The following ATP2C1 variants were observed in gnomAD, a reference collection of about 807,000 sequenced individuals.
ATP2C1 encodes calcium-transporting ATPase type 2C member 1.
Under a neutral mutation model 120.5 loss-of-function variants are expected in ATP2C1, and 31 were observed. That is an observed-to-expected ratio of 0.26 (90% confidence interval 0.19 to 0.35). The LOEUF (loss-of-function observed/expected upper bound fraction) is 0.35. Ranked by LOEUF, ATP2C1 falls within the 10% of genes least tolerant of loss-of-function variation. ATP2C1 has a pLI of 1.00. For missense variants in ATP2C1, 731 were observed against 1,107.5 expected, an observed-to-expected ratio of 0.66 and a Z score of 4.83; for synonymous variants, 351 against 358.7, an observed-to-expected ratio of 0.98 and a Z score of 0.24.
intron 8 of ATP2C1, among the ~76,000 whole-genome samples, chr3:130,950,594 G>A (rs1449571637): frequency 6.6e-6 from 1 of 152,100 alleles, no homozygotes; most frequent in East Asian, 1.9e-4. Flanking sequence ...AAAATAACTT[G>A]TGACTTAGAA....
At chr3:130,965,302 T>C (rs529727586) in intron 14 of ATP2C1, among the ~76,000 whole-genome samples, 1 of 152,142 alleles carries the variant, frequency 6.6e-6, no homozygotes, top group African/African-American at 2.4e-5. Flanking sequence ...TCCTACCAAT[T>C]TTGACTTCCT....
At chr3:130,969,432 T>G in intron 17 of ATP2C1, 36 bp downstream of exon 17, 2 of 1,521,080 alleles carry the variant, frequency 1.3e-6, no homozygotes, top group Non-Finnish European at 1.8e-6. Flanking sequence ...ATTTCCTGTT[T>G]AGCTTAGATG....
chr3:130,931,587 A>G (rs917838785), intron 3 of ATP2C1, among the ~76,000 whole-genome samples: 5 of 152,070 alleles, frequency 3.3e-5, no homozygotes, highest in Non-Finnish European at 7.4e-5. Context: ...ATTAAAATGT[A>G]CTGTTATGCT....
chr3:130,938,425 T>C (rs912372914), intron 6 of ATP2C1, among the ~76,000 whole-genome samples: 4 of 152,234 alleles, frequency 2.6e-5, no homozygotes, highest in African/African-American at 9.6e-5. Flanking sequence ...TTTGAATAAC[T>C]ATGGTTGTTC....
intron 2 of ATP2C1, among the ~76,000 whole-genome samples, chr3:130,919,503 G>A (rs1166618065): frequency 6.6e-6 from 1 of 152,124 alleles, no homozygotes; most frequent in Non-Finnish European, 1.5e-5. Flanking sequence ...ACAGGCATGA[G>A]CTACCACGCC....
intron 1 of ATP2C1, among the ~76,000 whole-genome samples, chr3:130,857,738 C>T (rs1221720379): frequency 6.6e-6 from 1 of 152,082 alleles, no homozygotes; most frequent in African/African-American, 2.4e-5. Context: ...TTGACCTTGC[C>T]CCTCTGTGTT....
intron 2 of ATP2C1, among the ~76,000 whole-genome samples, chr3:130,907,446 A>G (rs113460033): frequency 6.6e-6 from 1 of 152,084 alleles, no homozygotes; most frequent in South Asian, 2.1e-4. Context: ...TCATTTTTGC[A>G]TATGATGTGA....
intron 1 of ATP2C1, among the ~76,000 whole-genome samples, chr3:130,857,163 G>T (rs925192640): frequency 1.3e-5 from 2 of 152,200 alleles, no homozygotes; most frequent in Non-Finnish European, 2.9e-5. Context: ...TCCTCTATCT[G>T]AAGGGAGAAA....
rs2069459420 is a variant in ATP2C1, at chr3:130,894,908, A to T, written c.6+133A>T. Reference sequence around the variant, plus strand: ...TACTGTGTATGTGAAGTGTCCAAGGATTTGCTTACTTAGGGTATCCAGCTT... The same window carrying T: ...TACTGTGTATGTGAAGTGTCCAAGGTTTTGCTTACTTAGGGTATCCAGCTT... On this transcript the variant is annotated intron_variant, in intron 2 of 27. Coordinates refer to ENST00000510168, the MANE Select transcript of ATP2C1 (RefSeq NM_001378687.1). This position sits in a 1 kb window ranked among gnomAD's most constrained non-coding sequence, Gnocchi z 4.5. The T allele has an allele frequency of 3.9e-6, 4 of 1,017,736 alleles. No homozygotes were observed. Among genetic ancestry groups the T allele is most frequent in the African/African-American group, 1.6e-5 (1 of 62,996 alleles). 63.0% of individuals were successfully genotyped at this position (1,017,736 alleles called of 1,614,324 possible).
intron 6 of ATP2C1, among the ~76,000 whole-genome samples, chr3:130,937,917 C>T (rs1465105137): frequency 6.6e-6 from 1 of 152,106 alleles, no homozygotes; most frequent in East Asian, 1.9e-4. Flanking sequence ...AAGAAAATTC[C>T]ACAGGTTTCT....
At chr3:130,932,274 A>C (rs1432023724) in intron 4 of ATP2C1, 136 bp downstream of exon 4, 7 of 658,828 alleles carry the variant, frequency 1.1e-5, no homozygotes, top group African/African-American at 3.6e-5. Context: ...AAAATTTTTC[A>C]TTTGTTGGGG....
chr3:130,960,822 C>T (rs1429981935), intron 12 of ATP2C1, among the ~76,000 whole-genome samples: 1 of 152,096 alleles, frequency 6.6e-6, no homozygotes, highest in Non-Finnish European at 1.5e-5. Context: ...CATTCATTTC[C>T]TACCCATCCT....
chr3:130,915,679 G>T (rs1045522498), intron 2 of ATP2C1, among the ~76,000 whole-genome samples: 2 of 152,046 alleles, frequency 1.3e-5, no homozygotes, highest in African/African-American at 4.8e-5. Context: ...CAGGGTTGTC[G>T]CAAGCCAACA....
At chr3:130,863,449 C>T (rs935059598) in intron 1 of ATP2C1, among the ~76,000 whole-genome samples, 1 of 152,212 alleles carries the variant, frequency 6.6e-6, no homozygotes, top group Middle Eastern at 3.4e-3. Context: ...CACACACACA[C>T]AGAGAAAGAC....
At chr3:130,925,474 G>C (rs2059163248) in intron 2 of ATP2C1, among the ~76,000 whole-genome samples, 1 of 152,324 alleles carries the variant, frequency 6.6e-6, no homozygotes, top group East Asian at 1.9e-4. Context: ...CTCTGGTGGA[G>C]GTAGCTGGGG....
intron 20 of ATP2C1, 94 bp downstream of exon 20, chr3:130,980,773 A>G (rs2061721342): frequency 6.3e-6 from 6 of 955,620 alleles, no homozygotes; most frequent in Non-Finnish European, 1.0e-5. Flanking sequence ...AATTGTGAAC[A>G]TCAGGGATTT....
At chr3:130,922,266 T>G (rs373995321) in intron 2 of ATP2C1, among the ~76,000 whole-genome samples, 1 of 152,214 alleles carries the variant, frequency 6.6e-6, no homozygotes, top group Non-Finnish European at 1.5e-5. Context: ...CATAGTAGCC[T>G]TGAATGATCT....
chr3:130,875,340 C>CA (rs1440221203), intron 1 of ATP2C1, among the ~76,000 whole-genome samples: 2 of 152,152 alleles, frequency 1.3e-5, no homozygotes, highest in East Asian at 3.8e-4. Context: ...TCTATGAGTT[C>CA]AACTTTTGAG....
At chr3:130,923,864 CAAA>C (rs59951169) in intron 2 of ATP2C1, among the ~76,000 whole-genome samples, 8 of 89,028 alleles carry the variant, frequency 9.0e-5, no homozygotes, top group Admixed American at 2.6e-4. Flanking sequence ...GACTCTGTCT[CAAA>C]AAAAAAAAAA....
Sources: gnomAD v4.1 joint callset for allele counts (sites outside exome capture counted in the v4.1 genomes callset) on GRCh38, gnomAD v4.1.1 for gene constraint, Gnocchi (gnomAD v3.1) non-coding constraint, MANE v1.5 for transcripts, NCBI Gene and HGNC (gene_info 2026-07-23, HGNC 2026-07-21) for gene names.